Variants in IL17REL observed in about 807,000 individuals in gnomAD.
IL17REL encodes the protein interleukin-17 receptor E-like protein.
A neutral mutation model predicts 49.0 loss-of-function variants in IL17REL; 36 were observed. That is an observed-to-expected ratio of 0.73 (90% CI 0.56 to 0.97). The LOEUF (loss-of-function observed/expected upper bound fraction) is 0.97. Ranked by LOEUF, IL17REL falls within the 50% of genes least tolerant of loss-of-function variation. The pLI, the probability that IL17REL is intolerant of heterozygous loss-of-function variation, is 0.00. For missense variants in IL17REL, 470 were observed against 453.9 expected, an observed-to-expected ratio of 1.04 and a Z score of -0.32; for synonymous variants, 206 against 192.4, an observed-to-expected ratio of 1.07 and a Z score of -0.58.
At chr22:50,000,102 C>T in intron 4 of IL17REL, 94 bp downstream of exon 6, 1 of 1,034,830 alleles carries the variant, frequency 9.7e-7, no homozygotes, top group Non-Finnish European at 1.3e-6. Context: ...GAGGGCCCCT[C>T]AGGATTTCCC....
chr22:49,998,238 G>T, exon 8 of IL17REL: 1 of 1,612,536 alleles, frequency 6.2e-7, no homozygotes, highest in Non-Finnish European at 8.5e-7. Flanking sequence ...GGGCAGGCGG[G>T]CTCCCAGCTC....
chr22:50,005,323 C>T (rs2061103356), intron 1 of IL17REL, among the ~76,000 whole-genome samples: 1 of 152,004 alleles, frequency 6.6e-6, no homozygotes, highest in African/African-American at 2.4e-5. Context: ...AAATAATATC[C>T]ACAGAGTCTT....
chr22:49,992,306 C>CT (rs1434689004), downstream of IL17REL, among the ~76,000 whole-genome samples: 13 of 152,240 alleles, frequency 8.5e-5, no homozygotes, highest in Non-Finnish European at 1.3e-4. Flanking sequence ...CAAGCTGACT[C>CT]TCGCTGCTCT....
In IL17REL at chr22:49,997,363, GC is replaced by G. The variant is rs1375595111; in HGVS notation, c.930del (p.Pro311LeufsTer16). The G allele has an allele frequency of 6.2e-7, 1 of 1,613,756 alleles. No homozygotes were observed. Among genetic ancestry groups the G allele is most frequent in the Non-Finnish European group, 8.5e-7 (1 of 1,180,000 alleles). ...GCTGGCCTGGAGTGTGCGTTGGCAG[GC>G]AGGGAGCTGTGACTTCCTCCTGTGA... On this transcript the variant is annotated frameshift_variant, in exon 11 of 13. Transcript: ENST00000341280. LOFTEE classifies it high-confidence loss of function.
At chr22:49,996,930 G>A in intron 12 of IL17REL, 64 bp downstream of exon 14, 2 of 776,142 alleles carry the variant, frequency 2.6e-6, no homozygotes, top group Non-Finnish European at 4.1e-6. Flanking sequence ...GGGAAGGGGG[G>A]GTGTGAACTG....
intron 9 of IL17REL, 34 bp from the exon 12 acceptor site, chr22:49,997,776 AGT>A: frequency 6.2e-7 from 1 of 1,604,860 alleles, no homozygotes. Flanking sequence ...AGGAGGGTGG[AGT>A]GTGTGTGAGG....
At chr22:49,999,163 C>T (rs921146978) in intron 7 of IL17REL, 128 bp downstream of exon 9, 16 of 1,150,610 alleles carry the variant, frequency 1.4e-5, no homozygotes, top group Admixed American at 1.2e-4. Context: ...CAAGCCCTTC[C>T]GAGCAGGCTC....
intron 1 of IL17REL, among the ~76,000 whole-genome samples, chr22:50,001,558 C>T (rs948724717): frequency 6.6e-6 from 1 of 152,222 alleles, no homozygotes; most frequent in Non-Finnish European, 1.5e-5. Context: ...TGCTGGCAAG[C>T]TCTGTCGACT....
upstream of IL17REL, among the ~76,000 whole-genome samples, chr22:50,011,062 C>T (rs2061138739): frequency 6.7e-6 from 1 of 148,850 alleles, no homozygotes; most frequent in Non-Finnish European, 1.5e-5. Flanking sequence ...CCCCCGCGGG[C>T]AGGGGCTCCC....
rs749223089 is a variant in IL17REL, at chr22:50,000,096, GC to G, written c.335-130del. The G allele has an allele frequency of 1.4e-5, 15 of 1,098,750 alleles. 1 individual carries two copies. The East Asian group carries it at 2.4e-4, about 18-fold the overall frequency. 68.1% of individuals were successfully genotyped at this position (1,098,750 alleles called of 1,614,324 possible). On this transcript the variant is annotated intron_variant, in intron 4 of 12. Transcript: ENST00000341280. ...ACGTTTGGGAGTCGCCCGCCCGAGGGCCCCTCAGGATTTCCCAAATGGGGCA... is the reference window on the plus strand; with the variant it reads ...ACGTTTGGGAGTCGCCCGCCCGAGGGCCCTCAGGATTTCCCAAATGGGGCA...
rs763380481 is a variant in IL17REL, at chr22:49,999,273, G to C, written c.601+18C>G. ...GCCATTCCCACCCTTCCGCCCGTTG[G>C]CATCGCAGGACACTTGCCGTTTTCA... On this transcript the variant is annotated intron_variant, in intron 7 of 12. Coordinates refer to ENST00000341280, the Ensembl canonical transcript of IL17REL. 1.9e-6 allele frequency: 3 copies of C among 1,612,884 alleles called. No homozygotes were observed. The highest frequency in any genetic ancestry group is 3.3e-5 in the Admixed American group (2 of 60,028).
chr22:50,000,906 C>G, intron 2 of IL17REL, 43 bp from the exon 4 acceptor site: 2 of 1,440,916 alleles, frequency 1.4e-6, no homozygotes, highest in Non-Finnish European at 1.9e-6. Context: ...AGAGCAGGGC[C>G]GCCCCTGGCT....
intron 9 of IL17REL, 95 bp downstream of exon 11, chr22:49,997,930 C>G: frequency 6.6e-7 from 1 of 1,525,722 alleles, no homozygotes; most frequent in African/African-American, 1.4e-5. Context: ...AGGCTAGGCT[C>G]CAGGGCTGGG....
intron 1 of IL17REL, among the ~76,000 whole-genome samples, chr22:50,003,290 G>C (rs1050495513): frequency 3.3e-5 from 5 of 152,018 alleles, no homozygotes; most frequent in Admixed American, 2.6e-4. Flanking sequence ...GGAAGGCCAA[G>C]GCGGGCGGAT....
At chr22:50,006,590 A>G (rs1052567160) in intron 1 of IL17REL, among the ~76,000 whole-genome samples, 1 of 152,258 alleles carries the variant, frequency 6.6e-6, no homozygotes, top group African/African-American at 2.4e-5. Flanking sequence ...GACCAGGCAC[A>G]CTTGAGAGAA....
exon 2 of IL17REL, chr22:50,001,158 G>A (rs762743004): frequency 6.2e-7 from 1 of 1,606,134 alleles, no homozygotes; most frequent in Admixed American, 1.7e-5. Flanking sequence ...TGGCAGTGGA[G>A]GACGTCAGGG....
At chr22:49,997,445 G>A (rs1467392560) in intron 10 of IL17REL, 1 of 1,600,626 alleles carries the variant, frequency 6.2e-7, no homozygotes. Flanking sequence ...ACCCGGAGGT[G>A]GCCCTTTGTG....
intron 1 of IL17REL, among the ~76,000 whole-genome samples, chr22:50,005,721 C>T (rs1229928411): frequency 6.6e-6 from 1 of 151,994 alleles, no homozygotes; most frequent in Non-Finnish European, 1.5e-5. Context: ...AGGAGAATCC[C>T]TTGAATCCGG....
At chr22:49,994,241 G>A (rs868322445), downstream of IL17REL, among the ~76,000 whole-genome samples, 37 of 152,180 alleles carry the variant, frequency 2.4e-4, no homozygotes, top group African/African-American at 7.2e-4. Flanking sequence ...CCTGACCTCC[G>A]CATCCCCAGG....
Sources: allele counts gnomAD v4.1 joint callset (sites outside exome capture counted in the v4.1 genomes callset), GRCh38; gene constraint gnomAD v4.1.1; transcripts MANE v1.5; gene names NCBI Gene and HGNC (gene_info 2026-07-23, HGNC 2026-07-21).